DIAPH2: variants seen among roughly 807,000 people sequenced by gnomAD.
The protein encoded by DIAPH2 is protein diaphanous homolog 2.
DIAPH2 carries 35 observed loss-of-function variants against 92.7 expected under a neutral mutation model. The observed-to-expected ratio is 0.38, with a 90% confidence interval of 0.29 to 0.50. DIAPH2 has a LOEUF of 0.50. Among genes scored for constraint, DIAPH2 ranks in the 20% least tolerant of loss-of-function variants. The probability of loss-of-function intolerance (pLI) is 0.94; values close to 1 mark genes in which losing one functional copy is unlikely to be tolerated. For missense variants in DIAPH2, 701 were observed against 819.5 expected (o/e 0.86, Z 1.77); for synonymous variants, 301 against 280.4 (o/e 1.07, Z -0.73).
intron 22 of DIAPH2, among the ~76,000 whole-genome samples, chrX:97,221,137 A>C (rs775190141): frequency 0.025 from 2,558 of 101,865 alleles, 84 homozygotes; most frequent in African/African-American, 0.084. Context: ...CAAAAAAAAA[A>C]CCGAAATGGC....
chrX:97,251,482 G>A (rs997043269), intron 23 of DIAPH2, among the ~76,000 whole-genome samples: 4 of 109,119 alleles, frequency 3.7e-5, no homozygotes, highest in African/African-American at 1.3e-4. Context: ...ACCCAGGTTG[G>A]AGTGCAGTGG....
chrX:97,518,617 CTATT>C (rs1267064922), intron 26 of DIAPH2, among the ~76,000 whole-genome samples: 4 of 109,501 alleles, frequency 3.7e-5, no homozygotes, highest in Non-Finnish European at 7.6e-5. Flanking sequence ...TCAGTAGTGT[CTATT>C]TAATCTAGAA....
At chrX:97,149,795 C>A in intron 22 of DIAPH2, among the ~76,000 whole-genome samples, 1 of 101,683 alleles carries the variant, frequency 9.8e-6, no homozygotes, top group East Asian at 3.3e-4. Context: ...GAATTGTACT[C>A]TATCAATAGC....
intron 4 of DIAPH2, among the ~76,000 whole-genome samples, chrX:96,865,263 G>T (rs746265536): frequency 4.7e-4 from 52 of 111,670 alleles, no homozygotes; most frequent in African/African-American, 1.7e-3. Flanking sequence ...TCAGACCTTG[G>T]CGATGACCTT....
intron 22 of DIAPH2, among the ~76,000 whole-genome samples, chrX:97,228,701 C>T (rs750708039): frequency 9.0e-6 from 1 of 111,326 alleles, no homozygotes; most frequent in South Asian, 3.9e-4. Flanking sequence ...AATCCCTGTA[C>T]CTCACTACTC....
chrX:96,943,579 A>G (rs1384468440), intron 13 of DIAPH2, among the ~76,000 whole-genome samples: 3 of 111,398 alleles, frequency 2.7e-5, no homozygotes, highest in South Asian at 3.7e-4. Context: ...GACCATAGTT[A>G]GGACACATAC....
At chrX:97,228,747 G>T (rs766699821) in intron 22 of DIAPH2, among the ~76,000 whole-genome samples, 59 of 111,775 alleles carry the variant, frequency 5.3e-4, no homozygotes, top group Non-Finnish European at 8.5e-4. Context: ...TTGTAAAGAG[G>T]AAACTGTAGA....
At chrX:96,962,676 A>G (rs979904445) in intron 16 of DIAPH2, among the ~76,000 whole-genome samples, 4 of 107,291 alleles carry the variant, frequency 3.7e-5, no homozygotes, top group Non-Finnish European at 7.7e-5. Flanking sequence ...TCTTGTTGGA[A>G]GCATATAGTT....
intron 1 of DIAPH2, 22 bp downstream of exon 1, chrX:96,685,212 G>A (rs1325346312): frequency 1.4e-5 from 14 of 989,382 alleles, no homozygotes; most frequent in Non-Finnish European, 1.2e-5. Context: ...CGCAGCCCCC[G>A]CCGGCCTTAG....
chrX:96,968,219 A>G (rs913118170), intron 17 of DIAPH2, among the ~76,000 whole-genome samples: 1 of 108,226 alleles, frequency 9.2e-6, no homozygotes, highest in African/African-American at 3.4e-5. Flanking sequence ...TATTTTATTT[A>G]TTTATTTATT....
At chrX:96,990,768 A>G (rs1449627308) in intron 17 of DIAPH2, among the ~76,000 whole-genome samples, 1 of 111,165 alleles carries the variant, frequency 9.0e-6, no homozygotes, top group African/African-American at 3.3e-5. Flanking sequence ...CTTTGTTGGA[A>G]TAAGGTAAAT....
chrX:96,906,931 G>A (rs958268238), intron 5 of DIAPH2, among the ~76,000 whole-genome samples: 10 of 111,471 alleles, frequency 9.0e-5, no homozygotes, highest in African/African-American at 3.3e-4. Context: ...TTAGTCTCCA[G>A]ATATAATCTT....
chrX:97,062,003 A>G (rs2066602503), intron 17 of DIAPH2, among the ~76,000 whole-genome samples: 1 of 111,630 alleles, frequency 9.0e-6, no homozygotes, highest in Non-Finnish European at 1.9e-5. Context: ...AGTTTTAATT[A>G]ATGCATTTTA....
chrX:97,074,277 A>C (rs922280921), intron 18 of DIAPH2, among the ~76,000 whole-genome samples: 3 of 111,218 alleles, frequency 2.7e-5, no homozygotes, highest in African/African-American at 9.8e-5. Context: ...GTGATGGCTC[A>C]TGCCTGTAAT....
chrX:96,820,049 C>A (rs770221411), intron 4 of DIAPH2, among the ~76,000 whole-genome samples: 1 of 112,260 alleles, frequency 8.9e-6, no homozygotes, highest in South Asian at 3.7e-4. Flanking sequence ...GCCTTATTTG[C>A]TGTGGCAGTA....
intron 5 of DIAPH2, chrX:96,884,555 G>A: frequency 8.3e-7 from 1 of 1,210,781 alleles, no homozygotes; most frequent in Non-Finnish European, 1.1e-6. Flanking sequence ...GTAATCAGAG[G>A]GGCAGAGAAG....
intron 21 of DIAPH2, among the ~76,000 whole-genome samples, chrX:97,131,099 C>G (rs10217986): frequency 0.091 from 9,946 of 109,195 alleles, 790 homozygotes; most frequent in African/African-American, 0.23. Flanking sequence ...GTAAAATCCT[C>G]TCTCAAAAAA....
At chrX:97,468,455 T>TA (rs1235621988) in intron 26 of DIAPH2, among the ~76,000 whole-genome samples, 1 of 111,598 alleles carries the variant, frequency 9.0e-6, no homozygotes, top group Non-Finnish European at 1.9e-5. Context: ...CTAGCATACA[T>TA]ATGGCCTTTA....
intron 26 of DIAPH2, among the ~76,000 whole-genome samples, chrX:97,471,203 C>T (rs1324164600): frequency 3.6e-5 from 4 of 110,787 alleles, no homozygotes; most frequent in Admixed American, 1.9e-4. Flanking sequence ...AGGGGAGGTT[C>T]AACAGGTGCC....
Sources: allele counts gnomAD v4.1 joint callset (sites outside exome capture counted in the v4.1 genomes callset), GRCh38; gene constraint gnomAD v4.1.1; transcripts MANE v1.5; gene names NCBI Gene and HGNC (gene_info 2026-07-23, HGNC 2026-07-21).